The following HS3ST5 variants were observed in gnomAD, a reference collection of about 807,000 sequenced individuals.
The protein encoded by HS3ST5 is heparan sulfate-glucosamine 3-sulfotransferase 5.
In HS3ST5, 10 loss-of-function variants were observed where a neutral mutation model predicts 25.4. The observed-to-expected ratio is 0.39, with a 90% CI of 0.24 to 0.67. HS3ST5 has a LOEUF of 0.67. Ranked by LOEUF, HS3ST5 falls within the 30% of genes least tolerant of loss-of-function variation. The probability of loss-of-function intolerance (pLI) is 0.44; values close to 1 mark genes in which losing one functional copy is unlikely to be tolerated. For synonymous variants in HS3ST5, 170 were observed against 162.4 expected (o/e 1.05, Z -0.36); for missense variants, 324 against 420.7 (o/e 0.77, Z 2.01).
chr6:114,188,959 G>A (rs1780359386), intron 2 of HS3ST5, among the ~76,000 whole-genome samples: 1 of 152,032 alleles, frequency 6.6e-6, no homozygotes, highest in Non-Finnish European at 1.5e-5. Flanking sequence ...ATCATCCTAG[G>A]ATTCTCCATG....
intron 3 of HS3ST5, among the ~76,000 whole-genome samples, chr6:114,069,383 A>AT (rs1474337594): frequency 6.6e-6 from 1 of 151,820 alleles, no homozygotes; most frequent in Non-Finnish European, 1.5e-5. Flanking sequence ...ACATAAGTAG[A>AT]TTTTTTACCC....
At chr6:114,218,189 C>T (rs566197309) in intron 2 of HS3ST5, among the ~76,000 whole-genome samples, 8 of 152,088 alleles carry the variant, frequency 5.3e-5, no homozygotes, top group South Asian at 4.2e-4. Flanking sequence ...GAAGAGACAG[C>T]GTTTCGTCAT....
intron 1 of HS3ST5, among the ~76,000 whole-genome samples, chr6:114,245,646 T>A (rs1022772609): frequency 6.6e-6 from 1 of 152,130 alleles, no homozygotes; most frequent in African/African-American, 2.4e-5. Flanking sequence ...TGGAGAGCAG[T>A]AGACTGCTGA....
chr6:114,067,548 A>G (rs1364814353), intron 3 of HS3ST5, among the ~76,000 whole-genome samples: 1 of 152,168 alleles, frequency 6.6e-6, no homozygotes. Flanking sequence ...TTATTACTAT[A>G]GAGGTTTTGC....
intron 3 of HS3ST5, among the ~76,000 whole-genome samples, chr6:114,085,693 T>C (rs1162562164): frequency 1.3e-5 from 2 of 152,192 alleles, no homozygotes; most frequent in Non-Finnish European, 1.5e-5. Flanking sequence ...TGCTTACCAA[T>C]TGGGTGTTCT....
At chr6:114,314,501 C>T (rs1387423188) in intron 1 of HS3ST5, among the ~76,000 whole-genome samples, 8 of 152,068 alleles carry the variant, frequency 5.3e-5, no homozygotes, top group Non-Finnish European at 8.8e-5. Flanking sequence ...TGAAGTTTAA[C>T]GTTTGGAGTA....
At chr6:114,089,032 C>T (rs1382540555) in intron 3 of HS3ST5, 1 of 152,098 alleles carries the variant, frequency 6.6e-6, no homozygotes, top group African/African-American at 2.4e-5. Flanking sequence ...AAGTACAGGA[C>T]CTGATACTTA....
chr6:114,303,211 A>G (rs571272505), intron 1 of HS3ST5, among the ~76,000 whole-genome samples: 39 of 152,216 alleles, frequency 2.6e-4, no homozygotes, highest in Admixed American at 9.8e-4. Flanking sequence ...CCTTTACTAA[A>G]AGTATTTCAG....
chr6:114,285,732 C>A (rs1774309938), intron 1 of HS3ST5, among the ~76,000 whole-genome samples: 1 of 151,880 alleles, frequency 6.6e-6, no homozygotes, highest in African/African-American at 2.4e-5. Context: ...GGGCTTAATA[C>A]CTAGGTGATG....
At chr6:114,279,409 T>C (rs1255263623) in intron 1 of HS3ST5, among the ~76,000 whole-genome samples, 2 of 152,078 alleles carry the variant, frequency 1.3e-5, no homozygotes, top group Non-Finnish European at 2.9e-5. Flanking sequence ...TAACCTGTTC[T>C]TTCTATTTAG....
intron 1 of HS3ST5, among the ~76,000 whole-genome samples, chr6:114,247,552 T>C (rs559813332): frequency 3.3e-5 from 5 of 152,104 alleles, no homozygotes; most frequent in African/African-American, 4.8e-5. Flanking sequence ...AATTTATAAA[T>C]CACAAATTTG....
chr6:114,151,242 CT>C (rs1778439438), intron 3 of HS3ST5, among the ~76,000 whole-genome samples: 1 of 152,082 alleles, frequency 6.6e-6, no homozygotes, highest in African/African-American at 2.4e-5. Flanking sequence ...AATAAAAATC[CT>C]TTTTTATAAT....
At chr6:114,205,155 G>A (rs995316445) in intron 2 of HS3ST5, among the ~76,000 whole-genome samples, 4 of 152,054 alleles carry the variant, frequency 2.6e-5, no homozygotes, top group African/African-American at 9.7e-5. Context: ...GATCCCACAC[G>A]TTAAGGGCTC....
intron 3 of HS3ST5, among the ~76,000 whole-genome samples, chr6:114,161,521 T>TTATATATA (rs59921019): frequency 0.012 from 393 of 33,370 alleles, 21 homozygotes; most frequent in Non-Finnish European, 0.013. Context: ...TCCTGAAGTT[T>TTATATATA]TATATATATA....
intron 2 of HS3ST5, among the ~76,000 whole-genome samples, chr6:114,215,858 G>T (rs2114461117): frequency 6.6e-6 from 1 of 152,274 alleles, no homozygotes; most frequent in East Asian, 1.9e-4. Context: ...GAATTTGTTA[G>T]CTGTGACCGC....
At position 114,342,664 on chromosome 6, in the gene HS3ST5, C is replaced by T. The variant is rs1776938352; in HGVS notation, c.-808G>A. On this transcript the variant is annotated 5_prime_UTR_variant, in exon 1 of 5. Transcript: ENST00000312719. ...GGGGAGGTGCGCATCCTCCTTGCCC[C>T]ACGAGGGCACCGGCGCAGCCCCGGA... is the stretch of plus-strand genomic sequence containing the variant. 6.6e-6 allele frequency: 1 copy of T among 152,648 alleles called. No individual in the cohort carries two copies. Among genetic ancestry groups the T allele is most frequent in the Non-Finnish European group, 1.5e-5 (1 of 68,434 alleles). 9.5% of individuals were successfully genotyped at this position (152,648 alleles called of 1,614,324 possible). A position where few individuals can be genotyped will look rare whatever the true frequency, so the allele number is the denominator to read the frequency against.
chr6:114,116,390 T>C (rs1267115698), intron 3 of HS3ST5, among the ~76,000 whole-genome samples: 1 of 152,046 alleles, frequency 6.6e-6, no homozygotes, highest in Non-Finnish European at 1.5e-5. Flanking sequence ...CAGTTCTAGT[T>C]TGCCTAGGTT....
intron 3 of HS3ST5, among the ~76,000 whole-genome samples, chr6:114,158,604 G>A (rs994869010): frequency 2.0e-5 from 3 of 152,202 alleles, no homozygotes; most frequent in African/African-American, 7.2e-5. Flanking sequence ...TCAGTTGGCA[G>A]AGCTAGGATT....
chr6:114,093,082 A>G (rs1258330663), intron 3 of HS3ST5, among the ~76,000 whole-genome samples: 5 of 152,154 alleles, frequency 3.3e-5, no homozygotes, highest in Non-Finnish European at 5.9e-5. Flanking sequence ...AGGATTGTGG[A>G]AGTTCAATAA....
Sources: allele counts gnomAD v4.1 joint callset (sites outside exome capture counted in the v4.1 genomes callset), GRCh38; gene constraint gnomAD v4.1.1; transcripts MANE v1.5; gene names NCBI Gene and HGNC (gene_info 2026-07-23, HGNC 2026-07-21).